Variants in SUPT16H observed in about 807,000 individuals in gnomAD.
The protein encoded by SUPT16H is SPT16 homolog, facilitates chromatin remodeling subunit.
A neutral mutation model predicts 136.2 loss-of-function variants in SUPT16H; 24 were observed. The observed-to-expected ratio is 0.18, with a 90% CI of 0.13 to 0.25. The LOEUF is 0.25. SUPT16H is among the 10% of genes least tolerant of loss of function. The pLI, the probability that SUPT16H is intolerant of heterozygous loss-of-function variation, is 1.00. For synonymous variants in SUPT16H, 415 were observed against 428.2 expected (o/e 0.97, Z 0.38); for missense variants, 623 against 1,270.2 (o/e 0.49, Z 7.74).
chr14:21,370,011 G>T (rs1886752260), intron 4 of SUPT16H, 115 bp from the exon 5 acceptor site: 2 of 1,224,262 alleles, frequency 1.6e-6, no homozygotes, highest in South Asian at 1.4e-5. Context: ...AACTATCACT[G>T]GTTTGCAGAA....
chr14:21,379,446 A>G (rs1009638973), intron 1 of SUPT16H, among the ~76,000 whole-genome samples: 9 of 151,134 alleles, frequency 6.0e-5, no homozygotes, highest in African/African-American at 1.9e-4. Context: ...AAAAAGAAAA[A>G]AAAAAAAAAA....
At chr14:21,377,577 T>C (rs1357404604) in intron 1 of SUPT16H, among the ~76,000 whole-genome samples, 1 of 127,248 alleles carries the variant, frequency 7.9e-6, no homozygotes, top group Non-Finnish European at 1.6e-5. Context: ...CTATGCATCC[T>C]TTTTTTTTTT....
intron 15 of SUPT16H, among the ~76,000 whole-genome samples, chr14:21,361,546 G>C (rs1471424901): frequency 1.3e-5 from 2 of 151,796 alleles, no homozygotes; most frequent in East Asian, 3.9e-4. Flanking sequence ...TGAACTCCTG[G>C]CCTCATGTAA....
chr14:21,376,452 T>C (rs1886903537), intron 1 of SUPT16H, among the ~76,000 whole-genome samples: 1 of 152,128 alleles, frequency 6.6e-6, no homozygotes, highest in South Asian at 2.1e-4. Context: ...AATAAGGATA[T>C]ATGATAGCAA....
chr14:21,371,730 T>C, intron 3 of SUPT16H, 144 bp downstream of exon 3: 2 of 896,646 alleles, frequency 2.2e-6, no homozygotes, highest in Non-Finnish European at 1.7e-6. Flanking sequence ...CTCCTAACAA[T>C]GAAGACGTGA....
At chr14:21,373,007 A>C (rs1024963986) in intron 2 of SUPT16H, among the ~76,000 whole-genome samples, 16 of 152,134 alleles carry the variant, frequency 1.1e-4, no homozygotes, top group African/African-American at 3.9e-4. Flanking sequence ...GCAATGGTGC[A>C]ATCTTGGCTT....
chr14:21,362,448 A>G, intron 14 of SUPT16H, 124 bp from the exon 15 acceptor site: 1 of 920,786 alleles, frequency 1.1e-6, no homozygotes, highest in Non-Finnish European at 1.5e-6. Context: ...TAAATCTAAT[A>G]AATTTACATA....
At chr14:21,364,290 A>G (rs1886618892) in intron 10 of SUPT16H, among the ~76,000 whole-genome samples, 2 of 152,144 alleles carry the variant, frequency 1.3e-5, no homozygotes, top group African/African-American at 4.8e-5. Flanking sequence ...ATTTACATCA[A>G]CTGCTCAGAT....
At chr14:21,381,786 C>CTTT (rs5807076) in intron 1 of SUPT16H, among the ~76,000 whole-genome samples, 20 of 132,408 alleles carry the variant, frequency 1.5e-4, no homozygotes, top group Non-Finnish European at 2.7e-4. Flanking sequence ...ATTTATTTGC[C>CTTT]TTTTTTTTTT....
chr14:21,359,469 C>T lies in SUPT16H; in HGVS notation c.2301+15G>A, dbSNP rs1239085483. On this transcript the variant is annotated intron_variant, in intron 19 of 25. Transcript: ENST00000216297. ...CCCTCACTATCCTGCAAATACAATA[C>T]TAAATTTCACAAACCTGCTCAGCAT... 2.5e-6 allele frequency: 4 copies of T among 1,611,248 alleles called. No homozygotes were observed. The highest frequency in any genetic ancestry group is 4.5e-5 in the East Asian group (2 of 44,864).
In SUPT16H at chr14:21,360,952, T is replaced by A; in HGVS notation, c.1950A>T (p.Ser650=). The A allele has an allele frequency of 1.2e-6, 2 of 1,614,074 alleles. No individual in the cohort carries two copies. Among genetic ancestry groups the A allele is most frequent in the Non-Finnish European group, 1.7e-6 (2 of 1,179,968 alleles). Residue 650 remains serine (S), a synonymous_variant, in exon 17 of 26, where the codon TCA becomes TCT. Transcript: ENST00000216297. The stretch of plus-strand genomic sequence containing the variant: ...TACTCCGGTTTAGATTGATCACCAG[T>A]GAGTCTTGTTTTACAATCCCCTAAG... ...KEKEGIVKQD[S]LVINLNRSNP... is the part of the protein sequence containing the mutation.
chr14:21,374,227 G>A (rs1886851300), intron 1 of SUPT16H, among the ~76,000 whole-genome samples: 1 of 152,234 alleles, frequency 6.6e-6, no homozygotes, highest in Non-Finnish European at 1.5e-5. Context: ...ACAGATGCCT[G>A]GCCAGAAGGC....
At position 21,363,099 on chromosome 14, in the gene SUPT16H, C is replaced by T. The variant is rs755513635; in HGVS notation, c.1446G>A (p.Ala482=). The change falls in exon 13 of 26, where the codon GCG becomes GCA. Residue 482 remains alanine (A), a synonymous_variant. Transcript: ENST00000216297. ...TCTTTGCTTCTTCATTGAGTTGAGC[C>T]GCTAGTTCTTTCTGATGTGCTCTTC... ...EKRRAHQKEL[A]AQLNEEAKRR... is the part of the protein sequence containing the mutation. 1.1e-5 allele frequency: 17 copies of T among 1,613,728 alleles called. No homozygotes were observed. The highest frequency in any genetic ancestry group is 2.2e-5 in the East Asian group (1 of 44,890).
Position 21,369,185 on chromosome 14 carries a change from G to T in SUPT16H, c.782+19C>A. The T allele has an allele frequency of 6.2e-7, 1 of 1,605,782 alleles. No homozygotes were observed. Among genetic ancestry groups the T allele is most frequent in the East Asian group, 2.2e-5 (1 of 44,802 alleles). ...GGCTAAAGTCAAAATGCTATATTAT[G>T]AAGTCTTCATATACTTACCTCACCA... On this transcript the variant is annotated intron_variant, in intron 6 of 25. Transcript: ENST00000216297.
Position 21,354,903 on chromosome 14 carries a change from A to G in SUPT16H, c.2661-363T>C, listed in dbSNP as rs138830920. On this transcript the variant is annotated intron_variant, in intron 22 of 25. Transcript: ENST00000216297. ...CACCGCGCCCTGCCTGGGAGCAGAT[A>G]TTCTTTGCACTATGCCACCAGATCA... 1.5e-3 allele frequency: 272 copies of G among 184,606 alleles called. 2 individuals carry two copies. Among genetic ancestry groups the G allele is most frequent in the African/African-American group, 6.2e-3 (261 of 42,244 alleles). 11.4% of individuals were successfully genotyped at this position (184,606 alleles called of 1,614,324 possible).
chr14:21,352,942 G>A (rs1456312042), intron 25 of SUPT16H, 124 bp from the exon 26 acceptor site: 5 of 1,292,164 alleles, frequency 3.9e-6, no homozygotes, highest in Admixed American at 2.0e-5. Flanking sequence ...TATTGGGCAA[G>A]TACTTTCTGA....
At chr14:21,369,025 T>C (rs1236309333) in intron 6 of SUPT16H, among the ~76,000 whole-genome samples, 179 bp downstream of exon 6, 2 of 152,172 alleles carry the variant, frequency 1.3e-5, no homozygotes, top group Non-Finnish European at 2.9e-5. Context: ...AGGGTGACTA[T>C]ACTTAACAAA....
At chr14:21,374,605 G>C (rs1886861256) in intron 1 of SUPT16H, among the ~76,000 whole-genome samples, 1 of 152,084 alleles carries the variant, frequency 6.6e-6, no homozygotes, top group Admixed American at 6.5e-5. Flanking sequence ...CTTTGTGTCT[G>C]GCTTCTTTCA....
rs771695434 is a variant in SUPT16H at position 21,363,155 on chromosome 14, G to A, written c.1396-6C>T. 8 of 1,613,666 alleles carry A rather than the reference G, an allele frequency of 5.0e-6. No individual in the cohort carries two copies. The highest frequency in any genetic ancestry group is 1.1e-5 in the South Asian group (1 of 91,076). On this transcript the variant is annotated splice_polypyrimidine_tract_variant and splice_region_variant and intron_variant, in intron 12 of 25. Transcript: ENST00000216297. ...TCTTCTGCAGTCATTTCATTCTGGT[G>A]AATGGAAAATCCAATTTATCACAAC...
Sources: allele counts gnomAD v4.1 joint callset (sites outside exome capture counted in the v4.1 genomes callset), GRCh38; gene constraint gnomAD v4.1.1; transcripts MANE v1.5; gene names NCBI Gene and HGNC (gene_info 2026-07-23, HGNC 2026-07-21).